Variants in HEG1 observed in about 807,000 individuals in gnomAD.
The protein encoded by HEG1 is protein HEG homolog 1.
A neutral mutation model predicts 125.6 loss-of-function variants in HEG1; 56 were observed. That is an observed-to-expected ratio of 0.45 (90% CI 0.36 to 0.56). The LOEUF (loss-of-function observed/expected upper bound fraction) is 0.56, where lower values mean the gene tolerates loss of function less well. Ranked by LOEUF, HEG1 falls within the 20% of genes least tolerant of loss-of-function variation. HEG1 has a pLI of 0.00. For synonymous variants in HEG1, 644 were observed against 668.5 expected (o/e 0.96, Z 0.57); for missense variants, 1,523 against 1,670.0 (o/e 0.91, Z 1.53).
Position 124,997,695 on chromosome 3 carries a change from A to G in HEG1, c.3646T>C (p.Cys1216Arg). ...YFQFNKMDHS[C>R]RACEDGYRLE... is the part of the protein sequence containing the mutation. The stretch of plus-strand genomic sequence containing the variant: ...CAGGCGAAGCTGTGGCTACCTCGGC[A>G]GGAGTGGTCCATCTTGTTGAACTGA... The change falls in exon 12 of 17, where the codon TGC becomes CGC. Residue 1216 changes from cysteine (C) to arginine (R), a missense_variant. By Grantham distance (180) the Cys-to-Arg change is radical. Coordinates refer to ENST00000311127, the MANE Select transcript of HEG1 (RefSeq NM_020733.2). 6.3e-7 allele frequency: 1 copy of G among 1,577,518 alleles called. No homozygotes were observed. Among genetic ancestry groups the G allele is most frequent in the Non-Finnish European group, 8.7e-7 (1 of 1,155,498 alleles).
At chr3:125,004,386 C>G (rs1445990560) in intron 9 of HEG1, among the ~76,000 whole-genome samples, 2 of 152,194 alleles carry the variant, frequency 1.3e-5, no homozygotes, top group East Asian at 3.8e-4. Flanking sequence ...TGAGTCAAAT[C>G]TCTGACTCAG....
intron 16 of HEG1, among the ~76,000 whole-genome samples, chr3:124,973,474 G>A (rs962114560): frequency 6.6e-6 from 1 of 152,140 alleles, no homozygotes; most frequent in Non-Finnish European, 1.5e-5. Context: ...TAAAAGCCAA[G>A]TTTAGTAACA....
At chr3:125,027,591 T>C (rs1937437111) in intron 2 of HEG1, 84 bp from the exon 3 acceptor site, 8 of 1,099,240 alleles carry the variant, frequency 7.3e-6, no homozygotes, top group Non-Finnish European at 1.0e-5. Flanking sequence ...AGTTCTGACA[T>C]CTACAAAATA....
intron 1 of HEG1, 83 bp downstream of exon 1, chr3:125,055,492 C>T (rs1937913282): frequency 1.1e-6 from 1 of 949,450 alleles, no homozygotes; most frequent in Non-Finnish European, 1.3e-6. Context: ...CGCGGAGGGG[C>T]CTACGGCTGG....
intron 14 of HEG1, among the ~76,000 whole-genome samples, chr3:124,983,544 A>G (rs1475282258): frequency 1.3e-5 from 2 of 148,594 alleles, no homozygotes; most frequent in Non-Finnish European, 3.0e-5. Context: ...TATGTTGCCC[A>G]GGTTGGTCTC....
intron 11 of HEG1, among the ~76,000 whole-genome samples, chr3:125,000,238 T>C (rs897084736): frequency 4.6e-5 from 7 of 152,116 alleles, no homozygotes; most frequent in African/African-American, 1.4e-4. Context: ...CCATAAACCA[T>C]ATACAAGCAG....
intron 2 of HEG1, among the ~76,000 whole-genome samples, chr3:125,028,484 C>T (rs1201648017): frequency 3.3e-5 from 5 of 152,220 alleles, no homozygotes; most frequent in African/African-American, 4.8e-5. Flanking sequence ...GCACCTCACT[C>T]TCGTTGTCCA....
chr3:124,994,851 T>C lies in HEG1; in HGVS notation c.3652+2838A>G, dbSNP rs1422794875. On this transcript the variant is annotated intron_variant, in intron 12 of 16. Transcript: ENST00000311127. Reference sequence around the variant, plus strand: ...TTTTGTTCCCTTGCAGGAAATTATATCTAGCCATGTCAATCTTTTCCCATC... The same window carrying C: ...TTTTGTTCCCTTGCAGGAAATTATACCTAGCCATGTCAATCTTTTCCCATC... 2.6e-5 allele frequency among the ~76,000 whole-genome samples: 4 copies of C among 152,358 alleles called. No individual in the cohort carries two copies. In the East Asian group the frequency reaches 7.7e-4, roughly 29 times the overall value.
intron 12 of HEG1, among the ~76,000 whole-genome samples, chr3:124,997,371 C>A (rs1378134050): frequency 6.6e-6 from 1 of 152,026 alleles, no homozygotes; most frequent in Non-Finnish European, 1.5e-5. Context: ...ACAGATAAAG[C>A]TTTGGGAATT....
chr3:125,019,192 C>T, intron 5 of HEG1, 70 bp downstream of exon 5: 1 of 1,347,882 alleles, frequency 7.4e-7, no homozygotes, highest in Non-Finnish European at 1.0e-6. Flanking sequence ...TAATACGCCA[C>T]AGATTTCATA....
intron 5 of HEG1, among the ~76,000 whole-genome samples, chr3:125,018,010 C>G (rs371708952): frequency 1.3e-5 from 2 of 150,584 alleles, no homozygotes; most frequent in African/African-American, 4.9e-5. Flanking sequence ...GCCTGGGCAA[C>G]AGAGAGAGAC....
chr3:125,019,536 C>G lies in HEG1; in HGVS notation c.1314G>C (p.Gln438His), dbSNP rs1937305031. The change falls in exon 5 of 17, where the codon CAG (glutamine) becomes CAC (histidine). Residue 438 changes from glutamine (Q) to histidine (H), a missense_variant. By Grantham distance (24) the Gln-to-His change is conservative. Coordinates refer to ENST00000311127, the MANE Select transcript of HEG1 (RefSeq NM_020733.2). Reference sequence around the variant, plus strand: ...CGACTGACCTAGACACAGTCTCAGTCTGAGACATGGGACTTCCATTTTGCA... The same window carrying G: ...CGACTGACCTAGACACAGTCTCAGTGTGAGACATGGGACTTCCATTTTGCA... ...SEVQNGSPMSQTETVSRSVAP... is the reference protein window; with the variant it reads ...SEVQNGSPMSHTETVSRSVAP... 6.2e-7 allele frequency: 1 copy of G among 1,612,868 alleles called. No individual in the cohort carries two copies. Among genetic ancestry groups the G allele is most frequent in the South Asian group, 1.1e-5 (1 of 91,074 alleles).
Position 125,020,896 on chromosome 3 carries a change from C to A in HEG1, c.1148G>T (p.Arg383Ile). Residue 383 changes from arginine (R) to isoleucine (I), a missense_variant, in exon 4 of 17, where the codon AGA becomes ATA. Arg to Ile is a moderately conservative substitution (Grantham distance 97). Coordinates refer to ENST00000311127, the MANE Select transcript of HEG1 (RefSeq NM_020733.2). ...LLSPSAVESR[R>I]NSRVTGNPGD... is the part of the protein sequence containing the mutation. ...TGGATTCCCAGTTACTCTACTGTTT[C>A]TTCTCGATTCCACTGCAGAGGGTGA... is the stretch of plus-strand genomic sequence containing the variant. 6.2e-7 allele frequency: 1 copy of A among 1,614,024 alleles called. No homozygotes were observed. The highest frequency in any genetic ancestry group is 8.5e-7 in the Non-Finnish European group (1 of 1,179,890).
chr3:125,014,846 G>T, intron 5 of HEG1: 1 of 1,289,878 alleles, frequency 7.8e-7, no homozygotes, highest in Non-Finnish European at 1.0e-6. Flanking sequence ...CAGAAGTCGT[G>T]CTCATGCTGG....
chr3:125,007,455 T>C (rs78349976), intron 8 of HEG1, among the ~76,000 whole-genome samples: 1,879 of 152,340 alleles, frequency 0.012, 38 homozygotes, highest in African/African-American at 0.043. Flanking sequence ...TTGATTTCCC[T>C]ATGTTATCTA....
At chr3:124,986,774 G>C (rs1319625126) in intron 14 of HEG1, among the ~76,000 whole-genome samples, 8 of 152,194 alleles carry the variant, frequency 5.3e-5, no homozygotes. Context: ...AGGAATCAGA[G>C]AGAAATCTTG....
At chr3:125,052,422 G>A (rs865985207) in intron 1 of HEG1, among the ~76,000 whole-genome samples, 2 of 152,148 alleles carry the variant, frequency 1.3e-5, no homozygotes, top group East Asian at 1.9e-4. Flanking sequence ...TTTCCTCCAG[G>A]GAGCTGCATT....
chr3:125,042,186 G>A (rs1217573633), intron 1 of HEG1, among the ~76,000 whole-genome samples: 1 of 152,212 alleles, frequency 6.6e-6, no homozygotes, highest in African/African-American at 2.4e-5. Context: ...CCAGCAATTT[G>A]GGAGGCCGAG....
chr3:124,969,346 TCA>T lies in HEG1; in HGVS notation c.*1304_*1305del. Reference sequence around the variant, plus strand: ...GAACTTCCTTCCCGAAGGTCAACCCTCAGTTCCTCGACCAACCGGAAGTCTTC... The same window carrying T: ...GAACTTCCTTCCCGAAGGTCAACCCTGTTCCTCGACCAACCGGAAGTCTTC... On this transcript the variant is annotated 3_prime_UTR_variant, in exon 17 of 17. Transcript: ENST00000311127. 6.6e-6 allele frequency: 1 copy of T among 152,094 alleles called. No homozygotes were observed. Among genetic ancestry groups the T allele is most frequent in the East Asian group, 1.9e-4 (1 of 5,188 alleles). 9.4% of individuals were successfully genotyped at this position (152,094 alleles called of 1,614,324 possible). A position where few individuals can be genotyped will look rare whatever the true frequency, so the allele number is the denominator to read the frequency against.
Sources: allele counts gnomAD v4.1 joint callset (sites outside exome capture counted in the v4.1 genomes callset), GRCh38; gene constraint gnomAD v4.1.1; transcripts MANE v1.5; gene names NCBI Gene and HGNC (gene_info 2026-07-23, HGNC 2026-07-21).